The following TRIP11 variants were observed in gnomAD, a reference collection of about 807,000 sequenced individuals.
The protein encoded by TRIP11 is thyroid receptor-interacting protein 11.
TRIP11 carries 148 observed loss-of-function variants against 223.1 expected under a neutral mutation model. The ratio of observed to expected loss-of-function variants is 0.66; its 90% CI spans 0.58 to 0.76. The LOEUF is 0.76. Ranked by LOEUF, TRIP11 falls within the 30% of genes least tolerant of loss-of-function variation. The pLI, the probability that TRIP11 is intolerant of heterozygous loss-of-function variation, is 0.00. For missense variants in TRIP11, 2,043 were observed against 2,222.0 expected (o/e 0.92, Z 1.62); for synonymous variants, 762 against 772.6 (o/e 0.99, Z 0.23).
In TRIP11 at chr14:91,993,786, A is replaced by G. The variant is rs755531252; in HGVS notation, c.5160+23T>C. 9 of 1,558,828 alleles carry G rather than the reference A, an allele frequency of 5.8e-6. No homozygotes were observed. In the South Asian group the frequency reaches 1.0e-4, roughly 17 times the overall value. On this transcript the variant is annotated intron_variant, in intron 15 of 20. Transcript: ENST00000267622. ...CTGTTCCATGAATAATAAAACCTAC[A>G]AGAGAAAACTATTTTGTCCTACCTG...
intron 3 of TRIP11, 152 bp downstream of exon 3, chr14:92,025,158 A>T (rs1014168400): frequency 1.6e-6 from 1 of 635,248 alleles, no homozygotes; most frequent in Non-Finnish European, 2.7e-6. Context: ...CTTATTAAAT[A>T]AGGGATATCA....
chr14:92,035,304 G>C (rs1427703334), intron 1 of TRIP11, among the ~76,000 whole-genome samples: 1 of 151,832 alleles, frequency 6.6e-6, no homozygotes, highest in African/African-American at 2.4e-5. Context: ...CTGGGCGACA[G>C]AGCAAGACTC....
chr14:92,018,104 T>G (rs191807871), intron 4 of TRIP11, among the ~76,000 whole-genome samples: 2 of 151,930 alleles, frequency 1.3e-5, no homozygotes, highest in Admixed American at 1.3e-4. Context: ...TTTCTTTTTT[T>G]TTTTTTTTGA....
rs1595420404 is a variant in TRIP11 at position 92,039,857 on chromosome 14, G to A, written c.-172C>T. On this transcript the variant is annotated 5_prime_UTR_variant, in exon 1 of 21. Transcript: ENST00000267622. Reference sequence around the variant, plus strand: ...TCCAGGTTCTGCCTAGAAACGCAGAGGCCTGGCCTGGAATTTTACCAGGGG... The same window carrying A: ...TCCAGGTTCTGCCTAGAAACGCAGAAGCCTGGCCTGGAATTTTACCAGGGG... 3 of 1,385,664 alleles carry A rather than the reference G, an allele frequency of 2.2e-6. No homozygotes were observed. The highest frequency in any genetic ancestry group is 1.5e-5 in the African/African-American group (1 of 68,902). The allele number at this position is 1,385,664 out of a possible 1,614,324, so 85.8% of individuals were successfully genotyped here.
intron 10 of TRIP11, among the ~76,000 whole-genome samples, chr14:92,006,931 G>A (rs946472666): frequency 6.6e-6 from 1 of 152,054 alleles, no homozygotes; most frequent in African/African-American, 2.4e-5. Context: ...GCCTCCCAAA[G>A]TGTTGGGATT....
intron 18 of TRIP11, 45 bp downstream of exon 18, chr14:91,975,127 A>G (rs1214797273): frequency 6.6e-7 from 1 of 1,514,832 alleles, no homozygotes; most frequent in African/African-American, 1.4e-5. Context: ...CAAAGCCACT[A>G]TCTGGATTAT....
At position 92,039,677 on chromosome 14, in the gene TRIP11, G is replaced by A. The variant is rs148398142; in HGVS notation, c.9C>T (p.Ser3=). 7.9e-5 allele frequency: 127 copies of A among 1,612,202 alleles called. No homozygotes were observed. In the African/African-American group the frequency reaches 1.6e-3, roughly 21 times the overall value. ...ATCCGGAGCCGAGGCCCCCAAGCCAGGACGACATCGCGGCGAGTTTAGAGA... is the reference window on the plus strand; with the variant it reads ...ATCCGGAGCCGAGGCCCCCAAGCCAAGACGACATCGCGGCGAGTTTAGAGA... MS[S]WLGGLGSGLG... Residue 3 remains serine, a synonymous_variant, in exon 1 of 21, where the codon TCC becomes TCT. Transcript: ENST00000267622.
In TRIP11 at chr14:91,976,186, T is replaced by C; in HGVS notation, c.5264A>G (p.Glu1755Gly). 6.2e-7 allele frequency: 1 copy of C among 1,611,698 alleles called. No homozygotes were observed. Among genetic ancestry groups the C allele is most frequent in the Non-Finnish European group, 8.5e-7 (1 of 1,179,614 alleles). Reference sequence around the variant, plus strand: ...ATCATCCAGCATTTCTTGTCGGAGCTCATCTGTTGTAAAATATGTGAATAA... The same window carrying C: ...ATCATCCAGCATTTCTTGTCGGAGCCCATCTGTTGTAAAATATGTGAATAA... Reference protein sequence around the residue: ...EQIEELKRQNELRQEMLDDVQ... With the variant: ...EQIEELKRQNGLRQEMLDDVQ... The change falls in exon 17 of 21, where the codon GAG becomes GGG. Residue 1755 changes from glutamate (E) to glycine (G), a missense_variant. Physicochemically the swap from Glu to Gly is moderately conservative, Grantham distance 98. Coordinates refer to ENST00000267622, the MANE Select transcript of TRIP11 (RefSeq NM_004239.4).
At chr14:91,974,792 A>G (rs1276172914) in intron 18 of TRIP11, 49 bp from the exon 19 acceptor site, 1 of 1,421,568 alleles carries the variant, frequency 7.0e-7, no homozygotes, top group Non-Finnish European at 9.7e-7. Context: ...CAAGAAAAAA[A>G]AAAAAACAAG....
chr14:92,006,648 G>A (rs1409353727), intron 10 of TRIP11, among the ~76,000 whole-genome samples, 200 bp from the exon 11 acceptor site: 3 of 151,474 alleles, frequency 2.0e-5, no homozygotes, highest in African/African-American at 7.3e-5. Flanking sequence ...TGTCTTTTTT[G>A]TTTTTTGAGA....
At chr14:91,992,034 T>G (rs2056678800) in intron 15 of TRIP11, among the ~76,000 whole-genome samples, 1 of 119,236 alleles carries the variant, frequency 8.4e-6, no homozygotes, top group South Asian at 2.8e-4. Context: ...TGAGCTGAGA[T>G]CACGCCCTTG....
intron 4 of TRIP11, among the ~76,000 whole-genome samples, chr14:92,020,702 T>G (rs2140136373): frequency 6.6e-6 from 1 of 151,814 alleles, no homozygotes; most frequent in African/African-American, 2.4e-5. Flanking sequence ...TTTTGAAAAT[T>G]TTTTCCAAAT....
intron 7 of TRIP11, among the ~76,000 whole-genome samples, chr14:92,012,093 C>G (rs1566864485): frequency 6.6e-6 from 1 of 152,068 alleles, no homozygotes; most frequent in African/African-American, 2.4e-5. Flanking sequence ...CTAATGACAA[C>G]CAGGTTTCAA....
At chr14:92,026,928 G>A (rs1314791364) in intron 2 of TRIP11, 58 of 1,303,074 alleles carry the variant, frequency 4.5e-5, no homozygotes, top group Non-Finnish European at 6.0e-5. Context: ...AAAGGCCGCC[G>A]CGACCTATTC....
rs17127861 is a variant in TRIP11 at position 92,014,598 on chromosome 14, A to C, written c.824-21T>G. The C allele has an allele frequency of 9.8e-3, 15,648 of 1,594,796 alleles. 737 individuals carry two copies. In the African/African-American group the frequency reaches 0.12, roughly 12 times the overall value. ...GCCACCTAGAACATAAACACAAAAC[A>C]ATGACATCAAATGTCAAGTACCAAG... is the stretch of plus-strand genomic sequence containing the variant. On this transcript the variant is annotated intron_variant, in intron 6 of 20. Coordinates refer to ENST00000267622, the MANE Select transcript of TRIP11 (RefSeq NM_004239.4).
In TRIP11 at chr14:92,039,845, T is replaced by C. The variant is rs2057365616; in HGVS notation, c.-160A>G. The C allele has an allele frequency of 6.8e-7, 1 of 1,478,612 alleles. No individual in the cohort carries two copies. Among genetic ancestry groups the C allele is most frequent in the African/African-American group, 1.4e-5 (1 of 71,218 alleles). 91.6% of individuals were successfully genotyped at this position (1,478,612 alleles called of 1,614,324 possible). ...GGCAAGGCCGACTCCAGGTTCTGCC[T>C]AGAAACGCAGAGGCCTGGCCTGGAA... On this transcript the variant is annotated 5_prime_UTR_variant, in exon 1 of 21. It removes the in-frame stop codon of an upstream open reading frame in the 5' UTR. Transcript: ENST00000267622.
intron 6 of TRIP11, among the ~76,000 whole-genome samples, chr14:92,014,803 T>C (rs2057015585): frequency 6.6e-6 from 1 of 152,206 alleles, no homozygotes; most frequent in African/African-American, 2.4e-5. Flanking sequence ...ATAATATCTC[T>C]AATCATTTAT....
In TRIP11 at chr14:92,004,079, G is replaced by A; in HGVS notation, c.3897C>T (p.Cys1299=). The stretch of plus-strand genomic sequence containing the variant: ...TTCCTAAAAGAAGATCCTTGGTATT[G>A]CAAAGCTGCCCAATGCTGTGCTGAA... ...AQVQHSIGQL[C]NTKDLLLGKL... The change falls in exon 11 of 21, where the codon TGC becomes TGT. Residue 1299 remains cysteine (C), a synonymous_variant. Coordinates refer to ENST00000267622, the MANE Select transcript of TRIP11 (RefSeq NM_004239.4). 6.2e-7 allele frequency: 1 copy of A among 1,614,186 alleles called. No individual in the cohort carries two copies. The highest frequency in any genetic ancestry group is 2.2e-5 in the East Asian group (1 of 44,890).
In TRIP11 at chr14:92,003,878, G is replaced by C. The variant is rs1464680319; in HGVS notation, c.4098C>G (p.Leu1366=). The change falls in exon 11 of 21, where the codon CTC becomes CTG. Residue 1366 remains leucine, a synonymous_variant. Transcript: ENST00000267622. ...CAGACAATCTGTGGTTATTTTCCTGGAGAGTTCTAATTGTTGCATCTTTTT... is the reference window on the plus strand; with the variant it reads ...CAGACAATCTGTGGTTATTTTCCTGCAGAGTTCTAATTGTTGCATCTTTTT... ...LQEKDATIRT[L]QENNHRLSDS... is the part of the protein sequence containing the mutation. 1 of 1,613,996 alleles carries C rather than the reference G, an allele frequency of 6.2e-7. No homozygotes were observed. Among genetic ancestry groups the C allele is most frequent in the South Asian group, 1.1e-5 (1 of 91,084 alleles).
Sources: gnomAD v4.1 joint callset for allele counts (sites outside exome capture counted in the v4.1 genomes callset) on GRCh38, gnomAD v4.1.1 for gene constraint, MANE v1.5 for transcripts, NCBI Gene and HGNC (gene_info 2026-07-23, HGNC 2026-07-21) for gene names.